SELENOF: variants seen among roughly 807,000 people sequenced by gnomAD.
The protein encoded by SELENOF is 15 kDa selenoprotein.
SELENOF carries 16 observed loss-of-function variants against 20.5 expected under a neutral mutation model. That is an observed-to-expected ratio of 0.78 (90% CI 0.53 to 1.19). The LOEUF (loss-of-function observed/expected upper bound fraction) is 1.19. Among genes scored for constraint, SELENOF ranks in the 50% most tolerant of loss-of-function variants. SELENOF has a pLI of 0.00. For synonymous variants in SELENOF, 78 were observed against 74.5 expected (o/e 1.05, Z -0.24); for missense variants, 215 against 194.2 (o/e 1.11, Z -0.64).
intron 3 of SELENOF, among the ~76,000 whole-genome samples, chr1:86,870,491 A>G (rs751744715): frequency 1.3e-5 from 2 of 152,222 alleles, no homozygotes; most frequent in Non-Finnish European, 2.9e-5. Flanking sequence ...ACTATGTAAC[A>G]CGCAGTAACT....
At chr1:86,898,896 A>C (rs1314310785) in intron 2 of SELENOF, among the ~76,000 whole-genome samples, 2 of 151,588 alleles carry the variant, frequency 1.3e-5, no homozygotes, top group Non-Finnish European at 2.9e-5. Context: ...CAAGTGAACA[A>C]AGGTCTCTGG....
intron 2 of SELENOF, 91 bp downstream of exon 2, chr1:86,903,190 C>A (rs750317914): frequency 7.7e-5 from 89 of 1,152,742 alleles, no homozygotes; most frequent in Non-Finnish European, 1.0e-4. Context: ...AGCTTAGAGG[C>A]TTTTTTACAC....
At chr1:86,893,492 C>A (rs1283097442) in intron 2 of SELENOF, among the ~76,000 whole-genome samples, 1 of 151,228 alleles carries the variant, frequency 6.6e-6, no homozygotes, top group Non-Finnish European at 1.5e-5. Context: ...GTGGTGCACA[C>A]CGGTAGTCCC....
intron 2 of SELENOF, among the ~76,000 whole-genome samples, chr1:86,884,368 CACACACACATAT>C (rs1001313663): frequency 4.0e-5 from 6 of 149,430 alleles, no homozygotes; most frequent in Non-Finnish European, 7.4e-5. Flanking sequence ...CACACACACA[CACACACACATAT>C]ACACACACAT....
intron 2 of SELENOF, among the ~76,000 whole-genome samples, chr1:86,900,672 A>C (rs1346871453): frequency 1.3e-5 from 2 of 151,650 alleles, no homozygotes; most frequent in East Asian, 3.9e-4. Context: ...GGAGACGGAG[A>C]CAGAGACGGA....
intron 2 of SELENOF, among the ~76,000 whole-genome samples, chr1:86,895,865 A>T (rs1277516746): frequency 1.3e-5 from 2 of 152,204 alleles, no homozygotes; most frequent in African/African-American, 4.8e-5. Context: ...ATTTTGAAGG[A>T]GGAAGAAAGA....
At position 86,863,521 on chromosome 1, in the gene SELENOF, T is replaced by C; in HGVS notation, c.451A>G (p.Thr151Ala). Reference protein sequence around the residue: ...AEELSILKWNTDSVEEFLSEK... With the variant: ...AEELSILKWNADSVEEFLSEK... ...CTCAGGAATTCTTCTACACTGTCTGTGTTCCATTTGAGAATGCTCAGTTCT... is the reference window on the plus strand; with the variant it reads ...CTCAGGAATTCTTCTACACTGTCTGCGTTCCATTTGAGAATGCTCAGTTCT... The change falls in exon 5 of 5, where the codon ACA becomes GCA. Residue 151 changes from threonine to alanine, a missense_variant. Transcript: ENST00000331835. The C allele has an allele frequency of 6.2e-7, 1 of 1,613,770 alleles. No homozygotes were observed. The highest frequency in any genetic ancestry group is 8.5e-7 in the Non-Finnish European group (1 of 1,179,732).
chr1:86,875,571 T>C (rs899629567), intron 3 of SELENOF, among the ~76,000 whole-genome samples: 1 of 152,238 alleles, frequency 6.6e-6, no homozygotes, highest in Non-Finnish European at 1.5e-5. Context: ...AATCAGTGCA[T>C]TCATTCCATA....
chr1:86,896,141 T>C (rs912378623), intron 2 of SELENOF, among the ~76,000 whole-genome samples: 10 of 151,460 alleles, frequency 6.6e-5, no homozygotes, highest in African/African-American at 2.2e-4. Flanking sequence ...GGCAGGAGAA[T>C]CGCTTGAACC....
Position 86,868,091 on chromosome 1 carries a change from T to C in SELENOF, c.328A>G (p.Ser110Gly), listed in dbSNP as rs1238761627. 1.3e-6 allele frequency: 2 copies of C among 1,515,332 alleles called. No homozygotes were observed. Among genetic ancestry groups the C allele is most frequent in the Non-Finnish European group, 1.8e-6 (2 of 1,114,474 alleles). The allele number at this position is 1,515,332 out of a possible 1,614,324, so 93.9% of individuals were successfully genotyped here. A position where few individuals can be genotyped will look rare whatever the true frequency, so the allele number is the denominator to read the frequency against. Residue 110 changes from serine (S) to glycine (G), a missense_variant, in exon 4 of 5, where the codon AGT becomes GGT. Ser to Gly is a moderately conservative substitution (Grantham distance 56). Transcript: ENST00000331835. ...CCTCTGAACAGTTTGGGTTTATCAC[T>C]CCTAACAAAAGCTTATAAAAAAAGA... ...RFPQVQAFVR[S>G]DKPKLFRGLQ...
chr1:86,909,065 A>G (rs980117834), intron 1 of SELENOF, among the ~76,000 whole-genome samples: 4 of 152,236 alleles, frequency 2.6e-5, no homozygotes, highest in Non-Finnish European at 4.4e-5. Context: ...TGCAGTCCCA[A>G]TGACAGTTTT....
At chr1:86,868,596 TTGTC>T (rs1296158252) in intron 3 of SELENOF, among the ~76,000 whole-genome samples, 1 of 152,072 alleles carries the variant, frequency 6.6e-6, no homozygotes, top group African/African-American at 2.4e-5. Context: ...AGATATATGT[TTGTC>T]TGGCAGTGTG....
intron 2 of SELENOF, among the ~76,000 whole-genome samples, chr1:86,891,137 C>A (rs1659373718): frequency 6.6e-6 from 1 of 151,440 alleles, no homozygotes; most frequent in South Asian, 2.1e-4. Flanking sequence ...GCAACCTCTA[C>A]CCCCTGGGTT....
At chr1:86,877,133 C>G (rs1456586250) in intron 3 of SELENOF, among the ~76,000 whole-genome samples, 1 of 152,112 alleles carries the variant, frequency 6.6e-6, no homozygotes, top group East Asian at 1.9e-4. Context: ...GATTGTCATA[C>G]AGTAAGCATC....
At position 86,880,669 on chromosome 1, in the gene SELENOF, T is replaced by C; in HGVS notation, c.309A>G (p.Gln103=). ...GGAGTAAATTTTATATACCTTGGAC[T>C]TGAGGGAACCTTCCCAATTTTCATC... The part of the protein sequence containing the change: ...VCGUKLGRFP[Q]VQAFVRSDKP... Residue 103 remains glutamine (Q), a synonymous_variant, in exon 3 of 5, where the codon CAA becomes CAG. Transcript: ENST00000331835. 6.3e-7 allele frequency: 1 copy of C among 1,586,436 alleles called. No homozygotes were observed. Among genetic ancestry groups the C allele is most frequent in the Non-Finnish European group, 8.6e-7 (1 of 1,163,246 alleles).
chr1:86,880,612 A>G (rs1213620533), intron 3 of SELENOF, 50 bp downstream of exon 3: 1 of 1,027,294 alleles, frequency 9.7e-7, no homozygotes, highest in Non-Finnish European at 1.4e-6. Flanking sequence ...ATTCACATAA[A>G]ATGTTGATTT....
At chr1:86,894,978 G>A (rs1469889303) in intron 2 of SELENOF, among the ~76,000 whole-genome samples, 3 of 152,140 alleles carry the variant, frequency 2.0e-5, no homozygotes, top group African/African-American at 7.2e-5. Context: ...ATTTTCAAGT[G>A]ATCAAAACGG....
intron 2 of SELENOF, among the ~76,000 whole-genome samples, chr1:86,882,901 G>T (rs766988494): frequency 3.4e-4 from 52 of 152,052 alleles, no homozygotes; most frequent in Non-Finnish European, 6.6e-4. Context: ...CGAGGTGGGC[G>T]GATCATCTGA....
intron 3 of SELENOF, among the ~76,000 whole-genome samples, chr1:86,880,324 T>C (rs1347351045): frequency 2.0e-5 from 3 of 151,942 alleles, no homozygotes; most frequent in Non-Finnish European, 4.4e-5. Flanking sequence ...TTAGTAGAGA[T>C]GGGGTTTCAC....
Sources: allele counts gnomAD v4.1 joint callset (sites outside exome capture counted in the v4.1 genomes callset), GRCh38; gene constraint gnomAD v4.1.1; transcripts MANE v1.5; gene names NCBI Gene and HGNC (gene_info 2026-07-23, HGNC 2026-07-21).